The following FOXN3 variants were observed in gnomAD, a reference collection of about 807,000 sequenced individuals.
FOXN3 encodes forkhead box protein N3.
A neutral mutation model predicts 38.4 loss-of-function variants in FOXN3; 7 were observed. That is an observed-to-expected ratio of 0.18 (90% CI 0.10 to 0.34). FOXN3 has a LOEUF of 0.34. Ranked by LOEUF, FOXN3 falls within the 10% of genes least tolerant of loss-of-function variation. The pLI is 1.00. For missense variants in FOXN3, 456 were observed against 613.4 expected, an observed-to-expected ratio of 0.74 and a Z score of 2.71; for synonymous variants, 230 against 242.2, an observed-to-expected ratio of 0.95 and a Z score of 0.47.
intron 5 of FOXN3, among the ~76,000 whole-genome samples, chr14:89,172,723 T>C (rs1887422258): frequency 6.6e-6 from 1 of 152,152 alleles, no homozygotes; most frequent in Non-Finnish European, 1.5e-5. Flanking sequence ...ACCTGATATA[T>C]ATCAGAGCTA....
intron 4 of FOXN3, among the ~76,000 whole-genome samples, chr14:89,213,676 C>G (rs1368768116): frequency 6.6e-6 from 1 of 152,210 alleles, no homozygotes; most frequent in East Asian, 1.9e-4. Context: ...GGTTTGAGGA[C>G]ATGAGCCTTT....
At chr14:89,562,283 C>G (rs571275528) in intron 1 of FOXN3, among the ~76,000 whole-genome samples, 1 of 152,128 alleles carries the variant, frequency 6.6e-6, no homozygotes, top group East Asian at 1.9e-4. Flanking sequence ...TTTTTTGAGA[C>G]AGAGTCTTGC....
chr14:89,198,420 A>G (rs963287127), intron 4 of FOXN3, among the ~76,000 whole-genome samples: 1 of 152,190 alleles, frequency 6.6e-6, no homozygotes, highest in Non-Finnish European at 1.5e-5. Flanking sequence ...ATACCGAGGG[A>G]TGACTGTGCT....
intron 4 of FOXN3, among the ~76,000 whole-genome samples, chr14:89,242,049 CTG>C (rs563869667): frequency 1.4e-4 from 21 of 152,308 alleles, no homozygotes; most frequent in Admixed American, 9.8e-4. Context: ...GGCACTGGAA[CTG>C]AAAGACAGCC....
At chr14:89,509,329 G>GTTGTTTGT (rs72281256) in intron 1 of FOXN3, among the ~76,000 whole-genome samples, 2,252 of 151,320 alleles carry the variant, frequency 0.015, 23 homozygotes, top group Non-Finnish European at 0.024. Flanking sequence ...TTTTTTTGTT[G>GTTGTTTGT]TTGTTTGTTT....
intron 4 of FOXN3, among the ~76,000 whole-genome samples, chr14:89,280,546 A>G (rs1886426458): frequency 6.6e-6 from 1 of 152,248 alleles, no homozygotes; most frequent in Admixed American, 6.5e-5. Context: ...TACAAGTGCC[A>G]GAATAACCAA....
chr14:89,285,634 T>C (rs1340551708), intron 3 of FOXN3, among the ~76,000 whole-genome samples: 1 of 151,836 alleles, frequency 6.6e-6, no homozygotes, highest in Non-Finnish European at 1.5e-5. Context: ...TGATTCCACA[T>C]AGAAGAGGTA....
At chr14:89,353,427 G>A (rs1278762505) in intron 2 of FOXN3, 1 of 152,166 alleles carries the variant, frequency 6.6e-6, no homozygotes, top group African/African-American at 2.4e-5. Flanking sequence ...CCAGCAAACA[G>A]ATGGGACGAG....
chr14:89,168,802 G>A (rs1887309487), intron 5 of FOXN3, among the ~76,000 whole-genome samples: 3 of 152,088 alleles, frequency 2.0e-5, no homozygotes, highest in Admixed American at 6.5e-5. Flanking sequence ...AAGTCCATAC[G>A]GAGACACATC....
chr14:89,400,866 T>C (rs139914425), intron 2 of FOXN3, among the ~76,000 whole-genome samples: 1,929 of 152,188 alleles, frequency 0.013, 46 homozygotes, highest in African/African-American at 0.044. Context: ...CTGTTTTATA[T>C]CTTCATTGCA....
At chr14:89,588,125 C>T (rs192379830) in intron 1 of FOXN3, among the ~76,000 whole-genome samples, 3 of 152,212 alleles carry the variant, frequency 2.0e-5, no homozygotes, top group African/African-American at 7.2e-5. Context: ...AGTGACTTCT[C>T]GCAAGACCTG....
chr14:89,452,426 C>T (rs146342648), intron 1 of FOXN3, among the ~76,000 whole-genome samples: 79 of 152,284 alleles, frequency 5.2e-4, no homozygotes, highest in African/African-American at 1.9e-3. Flanking sequence ...CAGCTGAGAC[C>T]GTCATCGACC....
intron 3 of FOXN3, among the ~76,000 whole-genome samples, chr14:89,284,270 C>A (rs1886548348): frequency 6.6e-6 from 1 of 152,104 alleles, no homozygotes; most frequent in Admixed American, 6.5e-5. Flanking sequence ...CTTGCCTCAT[C>A]CTCCCAAAGC....
At chr14:89,421,527 A>AAT (rs1555353010), upstream of FOXN3, among the ~76,000 whole-genome samples, 294 of 34,176 alleles carry the variant, frequency 8.6e-3, 3 homozygotes, top group African/African-American at 0.024. Flanking sequence ...CACCCAGGGA[A>AAT]ATTTTTTTTT....
chr14:89,245,588 G>A (rs1361942007), intron 4 of FOXN3, among the ~76,000 whole-genome samples: 1 of 152,068 alleles, frequency 6.6e-6, no homozygotes, highest in Non-Finnish European at 1.5e-5. Flanking sequence ...CAGCCTCAGG[G>A]TTATAAACCA....
chr14:89,255,956 AG>A (rs1353738249), intron 4 of FOXN3, among the ~76,000 whole-genome samples: 32 of 152,162 alleles, frequency 2.1e-4, no homozygotes, highest in Admixed American at 1.3e-4. Flanking sequence ...AAGGCACCTA[AG>A]GAACAAGACA....
At chr14:89,312,703 G>A (rs1314248768) in intron 3 of FOXN3, among the ~76,000 whole-genome samples, 27 of 152,158 alleles carry the variant, frequency 1.8e-4, no homozygotes, top group Admixed American at 1.8e-3. Flanking sequence ...CTAGCTGGTA[G>A]ACCCTGGGAA....
chr14:89,506,752 C>T (rs911458947), intron 1 of FOXN3, among the ~76,000 whole-genome samples: 2 of 152,264 alleles, frequency 1.3e-5, no homozygotes, highest in African/African-American at 4.8e-5. Flanking sequence ...GAGGTAGACA[C>T]GGGAGACTTT....
rs553194805 is a variant in FOXN3, at chr14:89,292,065, A to T, written c.681-11051T>A. 2.0e-5 allele frequency among the ~76,000 whole-genome samples: 3 copies of T among 151,986 alleles called. No homozygotes were observed. The South Asian group carries it at 6.2e-4, about 32-fold the overall frequency. ...GCTCCATCTTTCGGCAGGCACCGTCACCTCCTCTTTTCTAAACGAAGGACA... is the reference window on the plus strand; with the variant it reads ...GCTCCATCTTTCGGCAGGCACCGTCTCCTCCTCTTTTCTAAACGAAGGACA... On this transcript the variant is annotated intron_variant, in intron 3 of 5. Transcript: ENST00000557258.
Sources: allele counts gnomAD v4.1 joint callset (sites outside exome capture counted in the v4.1 genomes callset), GRCh38; gene constraint gnomAD v4.1.1; transcripts MANE v1.5; gene names NCBI Gene and HGNC (gene_info 2026-07-23, HGNC 2026-07-21).